The following FHIT variants were observed in gnomAD, a reference collection of about 807,000 sequenced individuals.
FHIT encodes fragile histidine triad diadenosine triphosphatase, also known as bis(5'-adenosyl)-triphosphatase.
Under a neutral mutation model 17.9 loss-of-function variants are expected in FHIT, and 19 were observed. The observed-to-expected ratio is 1.06, with a 90% CI of 0.74 to 1.56. FHIT has a LOEUF of 1.56. Ranked by LOEUF, FHIT falls within the 40% of genes most tolerant of loss-of-function variation. The pLI is 0.00. For missense variants in FHIT, 248 were observed against 189.2 expected, an observed-to-expected ratio of 1.31 and a Z score of -1.82; for synonymous variants, 81 against 69.7, an observed-to-expected ratio of 1.16 and a Z score of -0.81.
intron 5 of FHIT, among the ~76,000 whole-genome samples, chr3:60,471,643 C>T (rs1158271232): frequency 1.3e-5 from 2 of 152,194 alleles, no homozygotes; most frequent in African/African-American, 4.8e-5. Context: ...TTCAGTGCCT[C>T]TTTCCTTAAT....
intron 7 of FHIT, among the ~76,000 whole-genome samples, chr3:59,936,866 A>G (rs1005204491): frequency 1.3e-5 from 2 of 152,190 alleles, no homozygotes; most frequent in Non-Finnish European, 2.9e-5. Context: ...AATAAAAGTG[A>G]TAAGAAACCT....
At chr3:60,057,727 C>T (rs1247474949) in intron 5 of FHIT, among the ~76,000 whole-genome samples, 1 of 151,804 alleles carries the variant, frequency 6.6e-6, no homozygotes, top group African/African-American at 2.4e-5. Flanking sequence ...AACTGAAACT[C>T]ACCAGATCAC....
intron 3 of FHIT, among the ~76,000 whole-genome samples, chr3:61,040,109 C>A (rs950810340): frequency 1.1e-4 from 17 of 152,124 alleles, no homozygotes; most frequent in African/African-American, 3.6e-4. Flanking sequence ...TTTAACGAAA[C>A]CTTACTCTCC....
intron 2 of FHIT, among the ~76,000 whole-genome samples, chr3:61,069,205 A>T (rs968986610): frequency 6.6e-6 from 1 of 152,160 alleles, no homozygotes; most frequent in African/African-American, 2.4e-5. Flanking sequence ...TTTTCGTGGC[A>T]CATATAATGG....
intron 5 of FHIT, among the ~76,000 whole-genome samples, chr3:60,284,725 G>A (rs1199143557): frequency 6.6e-6 from 1 of 151,958 alleles, no homozygotes; most frequent in Non-Finnish European, 1.5e-5. Flanking sequence ...TTTCATGGTA[G>A]CAAATATTAT....
Position 60,964,827 on chromosome 3 carries a change from T to C in FHIT, c.-111+77220A>G, listed in dbSNP as rs142037177. Among the ~76,000 whole-genome samples the C allele has an allele frequency of 1.8e-3, 269 of 152,344 alleles. 1 individual carries two copies. The highest frequency in any genetic ancestry group is 6.2e-3 in the African/African-American group (258 of 41,580). On this transcript the variant is annotated intron_variant, in intron 3 of 9. Coordinates refer to ENST00000492590, the MANE Select transcript of FHIT (RefSeq NM_002012.4). ...TGTTAGTCTGATGGGCTTCCCTTTG[T>C]GGGTAACCTGACCTTTCTCTCTGGC...
At chr3:60,022,553 G>A (rs759178775) in intron 5 of FHIT, among the ~76,000 whole-genome samples, 1 of 152,148 alleles carries the variant, frequency 6.6e-6, no homozygotes, top group Non-Finnish European at 1.5e-5. Context: ...GTGAGACCCC[G>A]AATTATAGGT....
intron 3 of FHIT, among the ~76,000 whole-genome samples, chr3:60,870,999 T>A (rs1414380877): frequency 6.6e-6 from 1 of 152,082 alleles, no homozygotes; most frequent in Non-Finnish European, 1.5e-5. Context: ...TACCTTACTC[T>A]TAATTAAATT....
Position 59,900,314 on chromosome 3 carries a change from C to T in FHIT, c.348+22032G>A, listed in dbSNP as rs531636529. Among the ~76,000 whole-genome samples, 8 of 152,306 alleles carry T rather than the reference C, an allele frequency of 5.3e-5. No individual in the cohort carries two copies. The East Asian group carries it at 1.3e-3, about 26-fold the overall frequency. On this transcript the variant is annotated intron_variant, in intron 8 of 9. Coordinates refer to ENST00000492590, the MANE Select transcript of FHIT (RefSeq NM_002012.4). ...CTCCCAGCAGTTGTGCAGGCCTGTC[C>T]GCAGAACAGGTGAGGCTACATGGCC...
At chr3:59,887,423 C>T (rs1191231342) in intron 8 of FHIT, among the ~76,000 whole-genome samples, 10 of 152,182 alleles carry the variant, frequency 6.6e-5, no homozygotes, top group Middle Eastern at 6.8e-3. Context: ...ATTCTTTAAG[C>T]GCACAGGTAA....
intron 5 of FHIT, among the ~76,000 whole-genome samples, chr3:60,506,249 G>T (rs75291115): frequency 6.6e-6 from 1 of 152,114 alleles, no homozygotes; most frequent in East Asian, 1.9e-4. Flanking sequence ...TTTTCACATG[G>T]TACTTTGAGG....
At chr3:61,070,534 T>C (rs989780459) in intron 2 of FHIT, among the ~76,000 whole-genome samples, 2 of 152,192 alleles carry the variant, frequency 1.3e-5, no homozygotes, top group Non-Finnish European at 2.9e-5. Flanking sequence ...CATTTGTCTT[T>C]CTAACCTATT....
chr3:60,079,444 CAGAACA>C (rs953422685), intron 5 of FHIT, among the ~76,000 whole-genome samples: 5 of 151,966 alleles, frequency 3.3e-5, no homozygotes, highest in African/African-American at 1.2e-4. Context: ...AAAAAGGTCT[CAGAACA>C]GTTAAAAATA....
chr3:60,461,160 G>C (rs1559933419), intron 5 of FHIT, among the ~76,000 whole-genome samples: 1 of 151,996 alleles, frequency 6.6e-6, no homozygotes, highest in Non-Finnish European at 1.5e-5. Flanking sequence ...ATCTAATTCT[G>C]TAAGTGCCAA....
intron 2 of FHIT, among the ~76,000 whole-genome samples, chr3:61,100,688 G>A (rs1167245754): frequency 6.6e-6 from 1 of 152,196 alleles, no homozygotes; most frequent in Non-Finnish European, 1.5e-5. Flanking sequence ...TAGTGTAAAA[G>A]CATTTCTATT....
At chr3:59,861,698 A>C (rs1202694996) in intron 8 of FHIT, among the ~76,000 whole-genome samples, 1 of 152,224 alleles carries the variant, frequency 6.6e-6, no homozygotes, top group African/African-American at 2.4e-5. Flanking sequence ...CACCTTTTCC[A>C]AATAGCGCCA....
intron 8 of FHIT, among the ~76,000 whole-genome samples, chr3:59,825,527 A>G (rs920005106): frequency 2.6e-5 from 4 of 152,234 alleles, no homozygotes; most frequent in Non-Finnish European, 4.4e-5. Context: ...AACATTAGCC[A>G]CATCTGTCCA....
intron 2 of FHIT, among the ~76,000 whole-genome samples, chr3:61,082,612 T>C (rs1220342299): frequency 1.3e-5 from 2 of 152,174 alleles, no homozygotes; most frequent in South Asian, 4.1e-4. Context: ...TCACTAAATA[T>C]TGCCAGTTTT....
intron 3 of FHIT, among the ~76,000 whole-genome samples, chr3:61,000,397 T>C (rs1031410367): frequency 6.6e-6 from 1 of 152,210 alleles, no homozygotes; most frequent in South Asian, 2.1e-4. Flanking sequence ...CAAGGGCTAT[T>C]TGAGACACAA....
Sources: allele counts gnomAD v4.1 joint callset (sites outside exome capture counted in the v4.1 genomes callset), GRCh38; gene constraint gnomAD v4.1.1; transcripts MANE v1.5; gene names NCBI Gene and HGNC (gene_info 2026-07-23, HGNC 2026-07-21).